Variants in PIKFYVE observed in about 807,000 individuals in gnomAD.
PIKFYVE encodes the protein phosphoinositide kinase, FYVE-type zinc finger containing.
PIKFYVE carries 122 observed loss-of-function variants against 257.9 expected under a neutral mutation model. The observed-to-expected ratio is 0.47, with a 90% CI of 0.41 to 0.55. PIKFYVE has a LOEUF of 0.55. Among genes scored for constraint, PIKFYVE ranks in the 20% least tolerant of loss-of-function variants. The pLI is 0.00. For synonymous variants in PIKFYVE, 892 were observed against 868.9 expected, an observed-to-expected ratio of 1.03 and a Z score of -0.47; for missense variants, 2,160 against 2,536.6, an observed-to-expected ratio of 0.85 and a Z score of 3.19.
intron 6 of PIKFYVE, among the ~76,000 whole-genome samples, chr2:208,287,293 G>C (rs1168730201): frequency 6.8e-6 from 1 of 146,260 alleles, no homozygotes; most frequent in Admixed American, 6.8e-5. Context: ...TTTTGAGACA[G>C]AGTTTTTTTT....
At chr2:208,320,473 T>C (rs1351281194) in intron 17 of PIKFYVE, 114 bp downstream of exon 17, 5 of 1,293,754 alleles carry the variant, frequency 3.9e-6, no homozygotes, top group Non-Finnish European at 4.4e-6. Context: ...ATAGGCAAAC[T>C]TGATAGCTTA....
At chr2:208,313,089 C>G (rs1293221271) in intron 13 of PIKFYVE, among the ~76,000 whole-genome samples, 4 of 152,152 alleles carry the variant, frequency 2.6e-5, no homozygotes, top group Non-Finnish European at 5.9e-5. Context: ...ATATACTTTA[C>G]TGTGTAATCT....
intron 38 of PIKFYVE, among the ~76,000 whole-genome samples, chr2:208,351,887 C>T (rs1699807968): frequency 6.6e-6 from 1 of 152,142 alleles, no homozygotes; most frequent in Non-Finnish European, 1.5e-5. Flanking sequence ...GCCGCACCTC[C>T]AACATTGCAG....
At chr2:208,324,406 A>T (rs1696673894) in intron 18 of PIKFYVE, 124 bp downstream of exon 18, 1 of 986,008 alleles carries the variant, frequency 1.0e-6, no homozygotes, top group African/African-American at 1.7e-5. Flanking sequence ...AAAGTGGGAC[A>T]GAAGATATGG....
intron 7 of PIKFYVE, 60 bp downstream of exon 7, chr2:208,288,878 G>A (rs1410061526): frequency 3.8e-6 from 6 of 1,590,674 alleles, no homozygotes; most frequent in Non-Finnish European, 5.2e-6. Flanking sequence ...ATGCTAATAA[G>A]AAGAACAAAC....
At chr2:208,270,638 G>T (rs546210061) in intron 1 of PIKFYVE, among the ~76,000 whole-genome samples, 2 of 152,318 alleles carry the variant, frequency 1.3e-5, no homozygotes, top group African/African-American at 4.8e-5. Flanking sequence ...GTCATGAAGT[G>T]TAGCTTGAGG....
intron 17 of PIKFYVE, among the ~76,000 whole-genome samples, chr2:208,322,395 A>C (rs1329348712): frequency 1.3e-5 from 2 of 150,558 alleles, no homozygotes; most frequent in Non-Finnish European, 3.0e-5. Flanking sequence ...AAAAAAAAAA[A>C]AAACTTAGAA....
Position 208,271,532 on chromosome 2 carries a change from G to A in PIKFYVE, c.13G>A (p.Asp5Asn), listed in dbSNP as rs1559382205. The A allele has an allele frequency of 1.9e-6, 3 of 1,614,130 alleles. No homozygotes were observed. The highest frequency in any genetic ancestry group is 1.7e-6 in the Non-Finnish European group (2 of 1,180,008). The change falls in exon 2 of 42, where the codon GAT becomes AAT. Residue 5 changes from aspartate (D) to asparagine (N), a missense_variant. Physicochemically the swap from Asp to Asn is conservative, Grantham distance 23 (BLOSUM62 1). Coordinates refer to ENST00000264380, the MANE Select transcript of PIKFYVE (RefSeq NM_015040.4). ...TCAGACTCATGAAATGGCCACAGAT[G>A]ATAAGACGTCCCCAACACTGGACTC... Reference protein sequence around the residue: MATDDKTSPTLDSAN... With the variant: MATDNKTSPTLDSAN...
intron 7 of PIKFYVE, among the ~76,000 whole-genome samples, chr2:208,297,272 T>C (rs2125284001): frequency 6.6e-6 from 1 of 152,294 alleles, no homozygotes; most frequent in East Asian, 1.9e-4. Context: ...GTTAAAATGA[T>C]AGAGAAGTAG....
At chr2:208,267,786 C>T (rs1365322341) in intron 1 of PIKFYVE, among the ~76,000 whole-genome samples, 1 of 151,832 alleles carries the variant, frequency 6.6e-6, no homozygotes, top group Admixed American at 6.6e-5. Flanking sequence ...GGATTACAGG[C>T]GTGAGCCACC....
intron 16 of PIKFYVE, among the ~76,000 whole-genome samples, chr2:208,318,950 C>CAAAAA (rs57665157): frequency 4.6e-5 from 5 of 108,346 alleles, no homozygotes; most frequent in African/African-American, 7.4e-5. Flanking sequence ...GACTCCGTCT[C>CAAAAA]AAAAAAAAAA....
At chr2:208,355,063 C>T in intron 41 of PIKFYVE, 127 bp from the exon 42 acceptor site, 1 of 760,192 alleles carries the variant, frequency 1.3e-6, no homozygotes, top group South Asian at 1.5e-5. Context: ...ACCTTTCCTG[C>T]CCACTCAGAC....
In PIKFYVE at chr2:208,335,349, A is replaced by C. The variant is rs1698012924; in HGVS notation, c.4186A>C (p.Lys1396Gln). 6.2e-7 allele frequency: 1 copy of C among 1,612,874 alleles called. No individual in the cohort carries two copies. The highest frequency in any genetic ancestry group is 1.3e-5 in the African/African-American group (1 of 74,888). Residue 1396 changes from lysine (K) to glutamine (Q), a missense_variant, in exon 25 of 42, where the codon AAA becomes CAA. By Grantham distance (53) the Lys-to-Gln change is moderately conservative. Around this residue, in one of 12 missense-constraint regions of PIKFYVE, gnomAD observed 699 missense variants for 855.8 expected, o/e 0.82. Transcript: ENST00000264380. ...TCTTGAAGTATGTGTTCCACTCCCC[A>C]AAATATTCATTAAGCGTCAGGCCCC... ...RLLEVCVPLP[K>Q]IFIKRQAPLK...
At chr2:208,291,243 A>G (rs762453824) in intron 7 of PIKFYVE, among the ~76,000 whole-genome samples, 54 of 152,116 alleles carry the variant, frequency 3.5e-4, no homozygotes, top group Non-Finnish European at 6.9e-4. Context: ...CTTTTTCTGT[A>G]TCAATGACAT....
chr2:208,312,382 G>C lies in PIKFYVE; in HGVS notation c.1696+87G>C. ...GGCTTAGCACATTGATTAGCACAGA[G>C]AAGGTGCTGAAAATATATTTGATTA... On this transcript the variant is annotated intron_variant, in intron 13 of 41. Coordinates refer to ENST00000264380, the MANE Select transcript of PIKFYVE (RefSeq NM_015040.4). 6.0e-6 allele frequency: 6 copies of C among 999,852 alleles called. No individual in the cohort carries two copies. The South Asian group carries it at 8.3e-5, about 14-fold the overall frequency. The allele number at this position is 999,852 out of a possible 1,614,324, so 61.9% of individuals were successfully genotyped here.
intron 1 of PIKFYVE, among the ~76,000 whole-genome samples, chr2:208,270,948 A>G (rs1450462415): frequency 6.6e-6 from 1 of 151,624 alleles, no homozygotes; most frequent in Admixed American, 6.6e-5. Flanking sequence ...AGGCAGGAGG[A>G]TCACTTGAAC....
intron 17 of PIKFYVE, among the ~76,000 whole-genome samples, 177 bp downstream of exon 17, chr2:208,320,536 A>G (rs966330428): frequency 4.5e-4 from 69 of 152,242 alleles, no homozygotes; most frequent in Non-Finnish European, 1.9e-4. Context: ...TAAAGGTAAC[A>G]TGTGACTGTT....
At chr2:208,305,099 C>T (rs1694166080) in intron 12 of PIKFYVE, 86 bp downstream of exon 12, 4 of 1,588,334 alleles carry the variant, frequency 2.5e-6, no homozygotes, top group Non-Finnish European at 3.4e-6. Context: ...TTCTGGCTTC[C>T]TCTGTCCCAC....
chr2:208,277,077 T>C (rs902061162), intron 4 of PIKFYVE, among the ~76,000 whole-genome samples: 4 of 152,218 alleles, frequency 2.6e-5, no homozygotes, highest in African/African-American at 9.6e-5. Context: ...GCAGTAGATA[T>C]TCTCCTATGG....
Sources: allele counts gnomAD v4.1 joint callset (sites outside exome capture counted in the v4.1 genomes callset), GRCh38; gene constraint gnomAD v4.1.1; regional missense constraint gnomAD v4.1.1; transcripts MANE v1.5; gene names NCBI Gene and HGNC (gene_info 2026-07-23, HGNC 2026-07-21).